The following SAMD12 variants were observed in gnomAD, a reference collection of about 807,000 sequenced individuals.
SAMD12 encodes the protein sterile alpha motif domain containing 12.
Under a neutral mutation model 15.0 loss-of-function variants are expected in SAMD12, and 9 were observed. The observed-to-expected ratio is 0.60, with a 90% CI of 0.36 to 1.05. SAMD12 has a LOEUF of 1.05. SAMD12 is among the 50% of genes least tolerant of loss of function. SAMD12 has a pLI of 0.01. For missense variants in SAMD12, 230 were observed against 234.2 expected, an observed-to-expected ratio of 0.98 and a Z score of 0.12; for synonymous variants, 86 against 90.1, an observed-to-expected ratio of 0.96 and a Z score of 0.25.
chr8:118,604,908 A>G (rs907049482), intron 1 of SAMD12, among the ~76,000 whole-genome samples: 1 of 152,088 alleles, frequency 6.6e-6, no homozygotes. Flanking sequence ...GGCGACAGAG[A>G]GAGACTCCGT....
chr8:118,222,090 A>G (rs1377023651), intron 4 of SAMD12, among the ~76,000 whole-genome samples: 1 of 152,218 alleles, frequency 6.6e-6, no homozygotes, highest in African/African-American at 2.4e-5. Flanking sequence ...GACATCTAAA[A>G]AAGAAAATCC....
intron 2 of SAMD12, among the ~76,000 whole-genome samples, chr8:118,563,796 C>T (rs1586821829): frequency 6.6e-6 from 1 of 152,168 alleles, no homozygotes; most frequent in Non-Finnish European, 1.5e-5. Flanking sequence ...ATGTCCATTT[C>T]AACAGTAACC....
At chr8:118,479,008 C>T (rs1168986210) in intron 2 of SAMD12, among the ~76,000 whole-genome samples, 1 of 152,154 alleles carries the variant, frequency 6.6e-6, no homozygotes, top group Non-Finnish European at 1.5e-5. Flanking sequence ...ATTTGATGAA[C>T]AGTTAGCAGT....
chr8:118,280,976 A>C (rs893785193), intron 4 of SAMD12, among the ~76,000 whole-genome samples: 1 of 152,176 alleles, frequency 6.6e-6, no homozygotes, highest in Non-Finnish European at 1.5e-5. Flanking sequence ...ATGATATCCT[A>C]ATCATAGTCT....
At chr8:118,221,353 A>T (rs1231469232) in intron 4 of SAMD12, among the ~76,000 whole-genome samples, 1 of 152,148 alleles carries the variant, frequency 6.6e-6, no homozygotes, top group African/African-American at 2.4e-5. Flanking sequence ...TCACATCCAG[A>T]GAGTGAGTGG....
At chr8:118,319,273 C>T (rs1376374845) in intron 4 of SAMD12, among the ~76,000 whole-genome samples, 3 of 151,986 alleles carry the variant, frequency 2.0e-5, no homozygotes, top group African/African-American at 4.8e-5. Context: ...CAAACAGTTG[C>T]CACCCCTCAA....
At chr8:118,448,093 C>G (rs891913962) in intron 2 of SAMD12, among the ~76,000 whole-genome samples, 1 of 152,186 alleles carries the variant, frequency 6.6e-6, no homozygotes, top group Non-Finnish European at 1.5e-5. Flanking sequence ...AGTCTTCTTC[C>G]TATTGCTCAA....
At chr8:118,446,208 C>CT (rs199946506) in intron 2 of SAMD12, among the ~76,000 whole-genome samples, 4,492 of 135,004 alleles carry the variant, frequency 0.033, 204 homozygotes, top group African/African-American at 0.1. Context: ...GTTGTAGTGT[C>CT]TTTTTTTTTT....
In SAMD12 at chr8:118,394,851, T is replaced by C. The variant is rs1270574824; in HGVS notation, c.323-15151A>G. ...TGAGGAGAGAAGGAAGTCGAGCTCA[T>C]ACCATGATGAAGAAGATAACTCCTG... On this transcript the variant is annotated intron_variant, in intron 3 of 3. Transcript: ENST00000314727. 9 of 152,190 alleles carry C rather than the reference T, an allele frequency of 5.9e-5. No individual in the cohort carries two copies. In the East Asian group the frequency reaches 1.5e-3, roughly 26 times the overall value. 9.4% of individuals were successfully genotyped at this position (152,190 alleles called of 1,614,324 possible). A position where few individuals can be genotyped will look rare whatever the true frequency, so the allele number is the denominator to read the frequency against.
At chr8:118,393,776 A>G (rs1220209495) in intron 3 of SAMD12, among the ~76,000 whole-genome samples, 1 of 151,310 alleles carries the variant, frequency 6.6e-6, no homozygotes, top group Non-Finnish European at 1.5e-5. Flanking sequence ...TTTTTTTTGT[A>G]TTTTTAGTAG....
chr8:118,342,293 C>CAAAA lies in SAMD12; in HGVS notation c.433+37263_433+37266dup, dbSNP rs10677253. On this transcript the variant is annotated intron_variant, in intron 4 of 4. Transcript: ENST00000409003. ...TGGGCGACAGAGCAAGACTTTGTCTCAAAAAAAAAAAAAGTTTTAAGAGAC... is the reference window on the plus strand; with the variant it reads ...TGGGCGACAGAGCAAGACTTTGTCTCAAAAAAAAAAAAAAAAAGTTTTAAGAGAC... Among the ~76,000 whole-genome samples, 1,203 of 143,070 alleles carry CAAAA rather than the reference C, an allele frequency of 8.4e-3. 23 individuals are homozygous for CAAAA. The highest frequency in any genetic ancestry group is 0.035 in the South Asian group (158 of 4,492). 93.9% of individuals were successfully genotyped at this position (143,070 alleles called of 152,430 possible).
chr8:118,538,599 C>A (rs927631590), intron 2 of SAMD12, among the ~76,000 whole-genome samples: 6 of 152,216 alleles, frequency 3.9e-5, no homozygotes, highest in Admixed American at 3.9e-4. Context: ...GGCACAGATT[C>A]TCTCTCCCCA....
rs573243326 is a variant in SAMD12 at position 118,548,557 on chromosome 8, C to T, written c.192+32158G>A. The stretch of plus-strand genomic sequence containing the variant: ...ACTGGAGGGGAGGAGCCAAGATGGC[C>T]GAATAGGAACAGCTCCAGTCTACAG... On this transcript the variant is annotated intron_variant, in intron 2 of 3. Coordinates refer to ENST00000314727, the MANE Select transcript of SAMD12 (RefSeq NM_207506.3). Among the ~76,000 whole-genome samples the T allele has an allele frequency of 5.3e-5, 8 of 152,226 alleles. No individual in the cohort carries two copies. In the South Asian group the frequency reaches 1.7e-3, roughly 32 times the overall value.
intron 4 of SAMD12, among the ~76,000 whole-genome samples, chr8:118,242,077 C>T (rs956259543): frequency 2.6e-5 from 4 of 152,050 alleles, no homozygotes; most frequent in African/African-American, 9.7e-5. Flanking sequence ...CAAACCATGG[C>T]TAACTTCTGT....
intron 2 of SAMD12, among the ~76,000 whole-genome samples, chr8:118,471,788 G>T (rs1044087532): frequency 6.6e-6 from 1 of 152,140 alleles, no homozygotes; most frequent in African/African-American, 2.4e-5. Flanking sequence ...GGTGGTGACC[G>T]TGGTGGTGAT....
chr8:118,590,138 G>A (rs1027114937), intron 1 of SAMD12, among the ~76,000 whole-genome samples: 1 of 152,148 alleles, frequency 6.6e-6, no homozygotes, highest in African/African-American at 2.4e-5. Context: ...TAATATACAA[G>A]AGCTTGCTCT....
chr8:118,502,019 C>CAAAAA (rs778485490), intron 2 of SAMD12, among the ~76,000 whole-genome samples: 2 of 80,528 alleles, frequency 2.5e-5, no homozygotes, highest in African/African-American at 8.4e-5. Flanking sequence ...GACTCCGTCT[C>CAAAAA]AAAAAAAAAA....
rs189261399 is a variant in SAMD12 at position 118,616,115 on chromosome 8, A to T, written c.13+5689T>A. On this transcript the variant is annotated intron_variant, in intron 1 of 3. Transcript: ENST00000314727. ...TAAGAAAAAAAGATCCTCAGGAATA[A>T]GTGAATGGGAGAGAATCAGGGAGTA... Among the ~76,000 whole-genome samples the T allele has an allele frequency of 1.6e-3, 239 of 152,364 alleles. 1 individual carries two copies. The highest frequency in any genetic ancestry group is 1.4e-3 in the Non-Finnish European group (94 of 68,034).
chr8:118,577,477 T>C (rs1364062850), intron 2 of SAMD12, among the ~76,000 whole-genome samples: 2 of 152,170 alleles, frequency 1.3e-5, no homozygotes, highest in African/African-American at 2.4e-5. Flanking sequence ...GATAAGCTCA[T>C]TAAGCTCCTC....
Sources: gnomAD v4.1 joint callset for allele counts (sites outside exome capture counted in the v4.1 genomes callset) on GRCh38, gnomAD v4.1.1 for gene constraint, MANE v1.5 for transcripts, NCBI Gene and HGNC (gene_info 2026-07-23, HGNC 2026-07-21) for gene names.